Variants in C1GALT1 observed in about 807,000 individuals in gnomAD.
C1GALT1 encodes glycoprotein-N-acetylgalactosamine 3-beta-galactosyltransferase 1.
In C1GALT1, 11 loss-of-function variants were observed where a neutral mutation model predicts 31.0. The observed-to-expected ratio is 0.36, with a 90% CI of 0.22 to 0.59. The LOEUF (loss-of-function observed/expected upper bound fraction) is 0.59. Among genes scored for constraint, C1GALT1 ranks in the 20% least tolerant of loss-of-function variants. C1GALT1 has a pLI of 0.79. For synonymous variants in C1GALT1, 175 were observed against 143.6 expected, an observed-to-expected ratio of 1.22 and a Z score of -1.56; for missense variants, 424 against 425.2, an observed-to-expected ratio of 1.00 and a Z score of 0.03.
chr7:7,178,384 C>A (rs1318397008), upstream of C1GALT1: 3 of 217,072 alleles, frequency 1.4e-5, no homozygotes, highest in South Asian at 8.5e-5. Context: ...GCCCTCTGGG[C>A]AAATTTGTAT....
intron 1 of C1GALT1, among the ~76,000 whole-genome samples, chr7:7,185,905 T>TA (rs569441400): frequency 1.3e-5 from 2 of 152,252 alleles, no homozygotes; most frequent in South Asian, 2.1e-4. Context: ...ATGGGACACT[T>TA]ACATTTATTT....
At chr7:7,211,480 G>T in intron 1 of C1GALT1, among the ~76,000 whole-genome samples, 1 of 152,126 alleles carries the variant, frequency 6.6e-6, no homozygotes, top group East Asian at 1.9e-4. Flanking sequence ...TATTATTCCT[G>T]CTCTAAGGAT....
At chr7:7,190,025 G>A (rs1019470321) in intron 1 of C1GALT1, among the ~76,000 whole-genome samples, 1 of 152,034 alleles carries the variant, frequency 6.6e-6, no homozygotes, top group African/African-American at 2.4e-5. Flanking sequence ...ACCTGATGAA[G>A]TCCCTTTATA....
intron 1 of C1GALT1, among the ~76,000 whole-genome samples, chr7:7,225,198 C>G (rs1277656116): frequency 6.6e-6 from 1 of 152,038 alleles, no homozygotes; most frequent in Non-Finnish European, 1.5e-5. Flanking sequence ...CTTAAATAAT[C>G]AATTTATTTC....
chr7:7,219,796 A>G (rs1371590042), intron 1 of C1GALT1, among the ~76,000 whole-genome samples: 1 of 151,974 alleles, frequency 6.6e-6, no homozygotes. Flanking sequence ...TAAGCACATA[A>G]TTGTAATAAC....
At chr7:7,197,177 C>T (rs1562566733) in intron 1 of C1GALT1, among the ~76,000 whole-genome samples, 1 of 152,256 alleles carries the variant, frequency 6.6e-6, no homozygotes, top group Middle Eastern at 3.4e-3. Context: ...GGTTTTAGGT[C>T]TAACATTTAA....
chr7:7,170,201 G>A (rs1286275984), intron 2 of C1GALT1, among the ~76,000 whole-genome samples: 1 of 152,074 alleles, frequency 6.6e-6, no homozygotes, highest in Non-Finnish European at 1.5e-5. Context: ...TTAGCTAAAG[G>A]TTTGTCAATT....
Position 7,244,108 on chromosome 7 carries a change from TAAAGA to T in C1GALT1, c.*390_*394del, listed in dbSNP as rs76602750. 2,108 of 155,564 alleles carry T rather than the reference TAAAGA, an allele frequency of 0.014. 30 individuals carry two copies. The highest frequency in any genetic ancestry group is 0.013 in the Non-Finnish European group (930 of 70,104). 9.6% of individuals were successfully genotyped at this position (155,564 alleles called of 1,614,324 possible). ...ATGTTAGTAATAAACAGATCTGCCT[TAAAGA>T]AAAGAAAATTTTAGAAAGAAATATT... is the stretch of plus-strand genomic sequence containing the variant. On this transcript the variant is annotated 3_prime_UTR_variant, in exon 4 of 4. Transcript: ENST00000436587.
chr7:7,191,127 T>C (rs1187177584), intron 1 of C1GALT1, among the ~76,000 whole-genome samples: 1 of 152,160 alleles, frequency 6.6e-6, no homozygotes, highest in Non-Finnish European at 1.5e-5. Context: ...TATATCCGTT[T>C]AAACGATAGC....
At chr7:7,237,324 CTGTT>C (rs369151207) in intron 2 of C1GALT1, among the ~76,000 whole-genome samples, 3 of 152,204 alleles carry the variant, frequency 2.0e-5, no homozygotes, top group Non-Finnish European at 4.4e-5. Context: ...ACTTTGTCAG[CTGTT>C]TGTCTGCACA....
intron 1 of C1GALT1, among the ~76,000 whole-genome samples, chr7:7,224,305 CAGGGTAATAT>C (rs1782652828): frequency 6.7e-6 from 1 of 149,686 alleles, no homozygotes; most frequent in Admixed American, 6.7e-5. Flanking sequence ...ATTTTGGTAT[CAGGGTAATAT>C]GAACTTGATA....
In C1GALT1 at chr7:7,159,978, G is replaced by A. The variant is rs74434320; in HGVS notation, c.-18+2552G>A. 2.0e-3 allele frequency among the ~76,000 whole-genome samples: 307 copies of A among 152,218 alleles called. 1 individual carries two copies. Among genetic ancestry groups the A allele is most frequent in the African/African-American group, 7.0e-3 (289 of 41,536 alleles). The stretch of plus-strand genomic sequence containing the variant: ...CCTTTCTCACATCCTAGGGAGCTTT[G>A]CACCAATCCATGTTCATAAATTGAG... On this transcript the variant is annotated intron_variant, in intron 2 of 3. Coordinates refer to the C1GALT1 transcript ENST00000429911.
At chr7:7,165,543 G>T (rs1203129307) in intron 2 of C1GALT1, among the ~76,000 whole-genome samples, 1 of 152,116 alleles carries the variant, frequency 6.6e-6, no homozygotes, top group Non-Finnish European at 1.5e-5. Context: ...AGATTAAGAG[G>T]ACGTTTCAGT....
At chr7:7,220,674 A>C (rs1295060162) in intron 1 of C1GALT1, among the ~76,000 whole-genome samples, 1 of 152,000 alleles carries the variant, frequency 6.6e-6, no homozygotes, top group Non-Finnish European at 1.5e-5. Context: ...GGCATGTGCC[A>C]CCACGCCCAG....
In C1GALT1 at chr7:7,209,742, C is replaced by T. The variant is rs141220702; in HGVS notation, c.-17-24561C>T. Among the ~76,000 whole-genome samples the T allele has an allele frequency of 1.7e-3, 259 of 152,256 alleles. 2 individuals carry two copies. Among genetic ancestry groups the T allele is most frequent in the Middle Eastern group, 0.01 (3 of 294 alleles). On this transcript the variant is annotated intron_variant, in intron 1 of 3. Coordinates refer to ENST00000436587, the MANE Select transcript of C1GALT1 (RefSeq NM_020156.5). Reference sequence around the variant, plus strand: ...TATTGTAGAACCTTTCACTCACGTCCGTGTGAAGAGACCACCAAACAGGCT... The same window carrying T: ...TATTGTAGAACCTTTCACTCACGTCTGTGTGAAGAGACCACCAAACAGGCT...
chr7:7,168,297 G>C (rs1209576931), intron 2 of C1GALT1, among the ~76,000 whole-genome samples: 1 of 152,180 alleles, frequency 6.6e-6, no homozygotes, highest in East Asian at 1.9e-4. Context: ...GCCTAGAGCA[G>C]GAGGAGACAA....
At chr7:7,234,687 T>C (rs1422992610) in intron 2 of C1GALT1, 148 bp downstream of exon 2, 16 of 601,406 alleles carry the variant, frequency 2.7e-5, no homozygotes, top group Non-Finnish European at 4.3e-5. Context: ...AGGGAATTGC[T>C]AAAACTCAGA....
intron 2 of C1GALT1, among the ~76,000 whole-genome samples, chr7:7,165,015 T>C (rs1346735546): frequency 6.6e-6 from 1 of 152,188 alleles, no homozygotes; most frequent in Non-Finnish European, 1.5e-5. Context: ...GCCTGTCAAC[T>C]TTATTCATTT....
Position 7,197,298 on chromosome 7 carries a change from A to C in C1GALT1, c.-18+14478A>C, listed in dbSNP as rs1053551273. On this transcript the variant is annotated intron_variant, in intron 1 of 3. Coordinates refer to ENST00000436587, the MANE Select transcript of C1GALT1 (RefSeq NM_020156.5). ...TCCCAGCACCATTTATTAAATAGGG[A>C]ATCCTTTCCCCATTGCTTGTTTTTG... Among the ~76,000 whole-genome samples, 21 of 152,226 alleles carry C rather than the reference A, an allele frequency of 1.4e-4. 1 individual carries two copies. Among genetic ancestry groups the C allele is most frequent in the Admixed American group, 3.9e-4 (6 of 15,284 alleles).
Sources: gnomAD v4.1 joint callset for allele counts (sites outside exome capture counted in the v4.1 genomes callset) on GRCh38, gnomAD v4.1.1 for gene constraint, MANE v1.5 for transcripts, NCBI Gene and HGNC (gene_info 2026-07-23, HGNC 2026-07-21) for gene names.